LRP1B: variants seen among roughly 807,000 people sequenced by gnomAD.
The protein encoded by LRP1B is low-density lipoprotein receptor-related protein 1B.
LRP1B carries 217 observed loss-of-function variants against 556.6 expected under a neutral mutation model. The observed-to-expected ratio is 0.39, with a 90% CI of 0.35 to 0.44. LRP1B has a LOEUF of 0.44. Among genes scored for constraint, LRP1B ranks in the 20% least tolerant of loss-of-function variants. The pLI is 1.00. For synonymous variants in LRP1B, 2,047 were observed against 1,865.8 expected (o/e 1.10, Z -2.50); for missense variants, 5,053 against 5,620.8 (o/e 0.90, Z 3.23).
At chr2:140,795,877 T>A (rs1309074146) in intron 32 of LRP1B, among the ~76,000 whole-genome samples, 1 of 152,108 alleles carries the variant, frequency 6.6e-6, no homozygotes, top group Admixed American at 6.5e-5. Context: ...TCTTCAGTTA[T>A]CTTGATTTAT....
At chr2:141,122,824 A>G (rs1411136768) in intron 7 of LRP1B, among the ~76,000 whole-genome samples, 1 of 152,192 alleles carries the variant, frequency 6.6e-6, no homozygotes, top group Non-Finnish European at 1.5e-5. Flanking sequence ...GGCACTATTC[A>G]CAATAGCAAA....
intron 1 of LRP1B, among the ~76,000 whole-genome samples, chr2:141,839,847 C>G (rs1321632400): frequency 6.6e-6 from 1 of 152,090 alleles, no homozygotes; most frequent in Non-Finnish European, 1.5e-5. Flanking sequence ...AAACACAGAT[C>G]AATTGTTTAC....
At chr2:141,501,794 A>G (rs1231192346) in intron 2 of LRP1B, among the ~76,000 whole-genome samples, 1 of 152,216 alleles carries the variant, frequency 6.6e-6, no homozygotes, top group Non-Finnish European at 1.5e-5. Context: ...GGCTGTAGCT[A>G]CAGCATATTA....
intron 77 of LRP1B, among the ~76,000 whole-genome samples, chr2:140,337,870 A>G (rs998630894): frequency 1.3e-5 from 2 of 151,836 alleles, no homozygotes; most frequent in Non-Finnish European, 2.9e-5. Context: ...AATTCTGATT[A>G]TCCTTCAACT....
At chr2:141,237,287 A>T (rs995169567) in intron 5 of LRP1B, among the ~76,000 whole-genome samples, 1 of 151,916 alleles carries the variant, frequency 6.6e-6, no homozygotes, top group Admixed American at 6.6e-5. Context: ...TGATGATTTC[A>T]GTGTTGGCAC....
chr2:140,410,361 A>C (rs77877738), intron 66 of LRP1B, among the ~76,000 whole-genome samples: 2 of 150,728 alleles, frequency 1.3e-5, no homozygotes, highest in Non-Finnish European at 3.0e-5. Context: ...TTTTTTTTTT[A>C]GGATTCTGCT....
chr2:142,030,462 C>T (rs1018737680), intron 1 of LRP1B, among the ~76,000 whole-genome samples: 3 of 151,602 alleles, frequency 2.0e-5, no homozygotes, highest in African/African-American at 7.3e-5. Context: ...ATAAATGGCC[C>T]TAGAATACTT....
At chr2:142,016,162 A>T (rs940672012) in intron 1 of LRP1B, among the ~76,000 whole-genome samples, 1 of 152,132 alleles carries the variant, frequency 6.6e-6, no homozygotes, top group Non-Finnish European at 1.5e-5. Flanking sequence ...AATGGCGATC[A>T]TTAAATAGTC....
At chr2:141,280,921 C>A (rs979472117) in intron 3 of LRP1B, among the ~76,000 whole-genome samples, 6 of 151,816 alleles carry the variant, frequency 4.0e-5, no homozygotes, top group African/African-American at 9.7e-5. Context: ...ATGACAGTGC[C>A]ACAGATTTTT....
At chr2:140,955,530 T>TA (rs1695847034) in intron 18 of LRP1B, among the ~76,000 whole-genome samples, 1 of 151,708 alleles carries the variant, frequency 6.6e-6, no homozygotes, top group Non-Finnish European at 1.5e-5. Flanking sequence ...GTCATCAAGT[T>TA]ACAATTATAG....
intron 2 of LRP1B, among the ~76,000 whole-genome samples, chr2:141,561,624 T>C (rs949329217): frequency 2.6e-5 from 4 of 151,878 alleles, no homozygotes; most frequent in Admixed American, 2.6e-4. Flanking sequence ...AATGTCTTTG[T>C]TTAAACATGA....
intron 41 of LRP1B, among the ~76,000 whole-genome samples, chr2:140,668,139 C>T (rs1460189349): frequency 6.6e-6 from 1 of 151,600 alleles, no homozygotes; most frequent in African/African-American, 2.4e-5. Flanking sequence ...GGTGAAACCC[C>T]GTCTCTACTA....
intron 2 of LRP1B, among the ~76,000 whole-genome samples, chr2:141,511,822 T>C (rs1684141625): frequency 6.6e-6 from 1 of 152,198 alleles, no homozygotes; most frequent in Admixed American, 6.5e-5. Context: ...TTTTTAGTCC[T>C]ATGAGAGGCA....
intron 6 of LRP1B, among the ~76,000 whole-genome samples, chr2:141,195,530 T>A (rs1432863807): frequency 6.6e-6 from 1 of 152,154 alleles, no homozygotes; most frequent in Non-Finnish European, 1.5e-5. Flanking sequence ...CTGCAACTTT[T>A]AAAGATGAAT....
intron 1 of LRP1B, among the ~76,000 whole-genome samples, chr2:141,820,087 G>A (rs1454862663): frequency 6.6e-6 from 1 of 152,004 alleles, no homozygotes; most frequent in African/African-American, 2.4e-5. Context: ...CAATAGTAAG[G>A]ATTATACTAT....
intron 41 of LRP1B, among the ~76,000 whole-genome samples, chr2:140,677,218 C>T (rs947131645): frequency 6.6e-6 from 1 of 152,120 alleles, no homozygotes. Context: ...TCTTTGTCAA[C>T]CACAGAGTCA....
At chr2:141,066,990 T>A (rs1462397332) in intron 7 of LRP1B, among the ~76,000 whole-genome samples, 1 of 151,942 alleles carries the variant, frequency 6.6e-6, no homozygotes, top group Non-Finnish European at 1.5e-5. Context: ...TGCTTTCCTT[T>A]TTATTTCAGG....
At chr2:140,382,975 T>G (rs2105192676) in intron 67 of LRP1B, among the ~76,000 whole-genome samples, 1 of 152,248 alleles carries the variant, frequency 6.6e-6, no homozygotes, top group Admixed American at 6.5e-5. Context: ...GCTGTATAGG[T>G]TTTTAGCCTA....
chr2:140,818,201 A>T (rs1430657438), intron 31 of LRP1B, among the ~76,000 whole-genome samples: 1 of 152,312 alleles, frequency 6.6e-6, no homozygotes, highest in Non-Finnish European at 1.5e-5. Context: ...GGAAATAGAC[A>T]CACTATGAAT....
Sources: gnomAD v4.1 joint callset for allele counts (sites outside exome capture counted in the v4.1 genomes callset) on GRCh38, gnomAD v4.1.1 for gene constraint, MANE v1.5 for transcripts, NCBI Gene and HGNC (gene_info 2026-07-23, HGNC 2026-07-21) for gene names.